The following FMN1 variants were observed in gnomAD, a reference collection of about 807,000 sequenced individuals.
FMN1 encodes the protein formin-1.
In FMN1, 110 loss-of-function variants were observed where a neutral mutation model predicts 132.4. The ratio of observed to expected loss-of-function variants is 0.83; its 90% CI spans 0.71 to 0.97. The LOEUF (loss-of-function observed/expected upper bound fraction) is 0.97, where lower values mean the gene tolerates loss of function less well. Among genes scored for constraint, FMN1 ranks in the 50% least tolerant of loss-of-function variants. The pLI, the probability that FMN1 is intolerant of heterozygous loss-of-function variation, is 0.00. For missense variants in FMN1, 1,792 were observed against 1,705.3 expected (o/e 1.05, Z -0.90); for synonymous variants, 722 against 651.7 (o/e 1.11, Z -1.64).
chr15:32,946,957 T>C (rs2061524072), intron 9 of FMN1, among the ~76,000 whole-genome samples: 1 of 152,216 alleles, frequency 6.6e-6, no homozygotes, highest in African/African-American at 2.4e-5. Flanking sequence ...ACAATTCTTA[T>C]TGAGCTATAT....
At position 33,048,651 on chromosome 15, in the gene FMN1, C is replaced by CAAAAACA. The variant is rs1338668794; in HGVS notation, c.2161+16305_2161+16306insTGTTTTT. Among the ~76,000 whole-genome samples the CAAAAACA allele has an allele frequency of 7.9e-3, 952 of 120,118 alleles. 158 individuals carry two copies. The highest frequency in any genetic ancestry group is 0.024 in the African/African-American group (814 of 33,284). The allele number at this position is 120,118 out of a possible 152,430, so 78.8% of individuals were successfully genotyped here. A position where few individuals can be genotyped will look rare whatever the true frequency, so the allele number is the denominator to read the frequency against. On this transcript the variant is annotated intron_variant, in intron 6 of 20. Coordinates refer to ENST00000616417, the MANE Select transcript of FMN1 (RefSeq NM_001277313.2). ...TTTACCAAAAAAAAAAAAAAAAAAC[C>CAAAAACA]AACAGTTTAATGGACTTACAGTTCC...
At chr15:32,954,283 T>C (rs1308163056) in intron 9 of FMN1, among the ~76,000 whole-genome samples, 6 of 152,228 alleles carry the variant, frequency 3.9e-5, no homozygotes, top group Admixed American at 3.9e-4. Flanking sequence ...CATGTACCTA[T>C]GGCTCATACA....
rs989711149 is a variant in FMN1, at chr15:33,012,787, C to T, written c.2162-4712G>A. The T allele has an allele frequency of 3.8e-4, 267 of 699,348 alleles. 1 individual carries two copies. In the Middle Eastern group the frequency reaches 4.9e-3, roughly 13 times the overall value. The allele number at this position is 699,348 out of a possible 1,614,324, so 43.3% of individuals were successfully genotyped here. ...TGGTTATGGAGAAAACTTCAGTGGTCATGGTGGCTTTAGTGGCAGCTGTGG... is the reference window on the plus strand; with the variant it reads ...TGGTTATGGAGAAAACTTCAGTGGTTATGGTGGCTTTAGTGGCAGCTGTGG... On this transcript the variant is annotated intron_variant, in intron 6 of 20. Transcript: ENST00000616417.
At chr15:32,995,998 A>G (rs1242106688) in intron 7 of FMN1, among the ~76,000 whole-genome samples, 1 of 152,240 alleles carries the variant, frequency 6.6e-6, no homozygotes, top group Non-Finnish European at 1.5e-5. Flanking sequence ...CACATAGCTT[A>G]TATGGAACAA....
chr15:32,849,426 CAT>C (rs942458057), intron 17 of FMN1, among the ~76,000 whole-genome samples: 23 of 152,030 alleles, frequency 1.5e-4, no homozygotes, highest in Non-Finnish European at 3.2e-4. Context: ...TCCACTTAAA[CAT>C]ATACATTAGG....
At chr15:33,102,315 GAGA>G (rs1448662746) in intron 4 of FMN1, among the ~76,000 whole-genome samples, 1 of 152,134 alleles carries the variant, frequency 6.6e-6, no homozygotes, top group Non-Finnish European at 1.5e-5. Context: ...TTGTTGAAAT[GAGA>G]AGATGTGCTA....
chr15:33,061,019 G>A (rs1430233179), intron 6 of FMN1, among the ~76,000 whole-genome samples: 1 of 152,182 alleles, frequency 6.6e-6, no homozygotes, highest in Non-Finnish European at 1.5e-5. Context: ...CCAGCTTTCG[G>A]TTGAGTGTTC....
chr15:33,178,611 G>A lies in FMN1; in HGVS notation c.-132+1587C>T, dbSNP rs762777428. 4.6e-5 allele frequency among the ~76,000 whole-genome samples: 7 copies of A among 152,050 alleles called. No homozygotes were observed. The East Asian group carries it at 5.8e-4, about 13-fold the overall frequency. On this transcript the variant is annotated intron_variant, in intron 3 of 20. Coordinates refer to ENST00000616417, the MANE Select transcript of FMN1 (RefSeq NM_001277313.2). ...CACAGCTTTAGGACTATACTGCCTCGGTTAAAATCCCAGCTCTTCCACTTA... is the reference window on the plus strand; with the variant it reads ...CACAGCTTTAGGACTATACTGCCTCAGTTAAAATCCCAGCTCTTCCACTTA...
intron 10 of FMN1, among the ~76,000 whole-genome samples, chr15:32,917,120 C>A (rs2060703298): frequency 6.6e-6 from 1 of 151,960 alleles, no homozygotes; most frequent in African/African-American, 2.4e-5. Flanking sequence ...AACACCAAGT[C>A]TATGAAAAAA....
At chr15:33,116,221 A>C (rs2039919328) in intron 4 of FMN1, among the ~76,000 whole-genome samples, 1 of 151,750 alleles carries the variant, frequency 6.6e-6, no homozygotes, top group South Asian at 2.1e-4. Flanking sequence ...ACTGGGATTG[A>C]CCTAGTCTAG....
chr15:33,168,914 G>C (rs1048511858), intron 3 of FMN1, among the ~76,000 whole-genome samples: 2 of 152,220 alleles, frequency 1.3e-5, no homozygotes, highest in Admixed American at 6.5e-5. Flanking sequence ...AGCATAAAAA[G>C]TGGTGCCGCC....
intron 3 of FMN1, among the ~76,000 whole-genome samples, chr15:33,158,444 G>GA (rs369928639): frequency 0.19 from 28,510 of 147,566 alleles, 3,242 homozygotes; most frequent in Middle Eastern, 0.3. Flanking sequence ...TAAAAAAAAA[G>GA]AAAAAAAAAA....
At chr15:32,992,657 C>G (rs2033507385) in intron 7 of FMN1, among the ~76,000 whole-genome samples, 1 of 152,166 alleles carries the variant, frequency 6.6e-6, no homozygotes, top group Non-Finnish European at 1.5e-5. Context: ...GTTTAATTCA[C>G]TTTCTTCTAA....
chr15:32,880,660 G>A (rs1050190525), intron 16 of FMN1, among the ~76,000 whole-genome samples: 2 of 152,268 alleles, frequency 1.3e-5, no homozygotes, highest in African/African-American at 2.4e-5. Flanking sequence ...GTCTCAAAAT[G>A]TTTTTAATCT....
At chr15:32,952,176 T>A (rs1175550317) in intron 9 of FMN1, among the ~76,000 whole-genome samples, 1 of 152,192 alleles carries the variant, frequency 6.6e-6, no homozygotes, top group Non-Finnish European at 1.5e-5. Context: ...CCCAAGAGTA[T>A]ATGTATATAC....
At chr15:32,930,226 A>T (rs2061076180) in intron 9 of FMN1, among the ~76,000 whole-genome samples, 1 of 151,868 alleles carries the variant, frequency 6.6e-6, no homozygotes, top group African/African-American at 2.4e-5. Context: ...TGACCTCATG[A>T]TCTGCTCGCC....
At chr15:33,048,250 G>A (rs2036782745) in intron 6 of FMN1, among the ~76,000 whole-genome samples, 1 of 152,134 alleles carries the variant, frequency 6.6e-6, no homozygotes, top group Non-Finnish European at 1.5e-5. Flanking sequence ...TGGAGCATAA[G>A]ATTCTACATA....
intron 6 of FMN1, chr15:33,012,038 A>C: frequency 3.2e-6 from 1 of 308,112 alleles, no homozygotes; most frequent in Non-Finnish European, 6.2e-6. Flanking sequence ...TTAGGCATAC[A>C]TAAGTAACAA....
rs557859209 is a variant in FMN1, at chr15:32,925,022, A to G, written c.3226+1152T>C. ...TGCGAGACACAGATTTTGAAAAGGT[A>G]TCATGTGTTCTGGTCTACTTTTCTA... On this transcript the variant is annotated intron_variant, in intron 10 of 20. Transcript: ENST00000616417. 2.5e-4 allele frequency among the ~76,000 whole-genome samples: 38 copies of G among 152,350 alleles called. No homozygotes were observed. In the South Asian group the frequency reaches 7.7e-3, roughly 31 times the overall value.
Sources: gnomAD v4.1 joint callset for allele counts (sites outside exome capture counted in the v4.1 genomes callset) on GRCh38, gnomAD v4.1.1 for gene constraint, MANE v1.5 for transcripts, NCBI Gene and HGNC (gene_info 2026-07-23, HGNC 2026-07-21) for gene names.